The following RTEL1 variants were observed in gnomAD, a reference collection of about 807,000 sequenced individuals.
The protein encoded by RTEL1 is regulator of telomere elongation helicase 1.
Under a neutral mutation model 162.2 loss-of-function variants are expected in RTEL1, and 86 were observed. The ratio of observed to expected loss-of-function variants is 0.53; its 90% CI spans 0.45 to 0.63. The LOEUF is 0.63. Among genes scored for constraint, RTEL1 ranks in the 30% least tolerant of loss-of-function variants. RTEL1 has a pLI of 0.00. For missense variants in RTEL1, 1,941 were observed against 1,750.2 expected (o/e 1.11, Z -1.95); for synonymous variants, 958 against 717.9 (o/e 1.33, Z -5.35).
chr20:63,694,224 C>G, intron 30 of RTEL1, 148 bp from the exon 31 acceptor site: 1 of 695,870 alleles, frequency 1.4e-6, no homozygotes, highest in Non-Finnish European at 2.6e-6. Context: ...TCTGATGCCC[C>G]CAGCACCCAG....
Position 63,678,845 on chromosome 20 carries a change from A to ACTCCCACGGAACAGCAGACT in RTEL1, c.1037+516_1037+535dup, listed in dbSNP as rs1166377020. Among the ~76,000 whole-genome samples, 34 of 110,652 alleles carry ACTCCCACGGAACAGCAGACT rather than the reference A, an allele frequency of 3.1e-4. 1 individual carries two copies. The highest frequency in any genetic ancestry group is 1.6e-3 in the African/African-American group (34 of 20,796). The allele number at this position is 110,652 out of a possible 152,430, so 72.6% of individuals were successfully genotyped here. On this transcript the variant is annotated intron_variant, in intron 12 of 34. Transcript: ENST00000360203. ...CACACACACCCACGGAACGGCACACACTCCCACGGAACAGCAGACTCTCCC... is the reference window on the plus strand; with the variant it reads ...CACACACACCCACGGAACGGCACACACTCCCACGGAACAGCAGACTCTCCCACGGAACAGCAGACTCTCCC...
intron 32 of RTEL1, 27 bp from the exon 33 acceptor site, chr20:63,695,039 G>T: frequency 6.2e-7 from 1 of 1,610,478 alleles, no homozygotes; most frequent in Non-Finnish European, 8.5e-7. Flanking sequence ...TGGGGGCTGT[G>T]CCGGGTCTGA....
intron 8 of RTEL1, among the ~76,000 whole-genome samples, chr20:63,670,582 G>A (rs2090219505): frequency 6.6e-6 from 1 of 152,230 alleles, no homozygotes; most frequent in Non-Finnish European, 1.5e-5. Context: ...CCTGAGTGTG[G>A]CATGAGGATG....
chr20:63,662,698 G>C (rs1268727991), intron 5 of RTEL1, 71 bp downstream of exon 5: 2 of 1,605,934 alleles, frequency 1.2e-6, no homozygotes, highest in Non-Finnish European at 8.5e-7. Flanking sequence ...AGAGCCCCAG[G>C]CTGCGCTCCC....
Position 63,695,352 on chromosome 20 carries a change from G to A in RTEL1, c.3524G>A (p.Gly1175Glu). 2.6e-6 allele frequency: 4 copies of A among 1,550,782 alleles called. No homozygotes were observed. The highest frequency in any genetic ancestry group is 1.2e-5 in the South Asian group (1 of 81,564). ...GGCCCCTCACGGTCCGAGAAGACCG[G>A]GAAGACCCAGAGCAAGATCTCGTCC... ...QPGPSRSEKT[G>E]KTQSKISSFL... is the part of the protein sequence containing the mutation. Residue 1175 changes from glycine to glutamate, a missense_variant, in exon 34 of 35, where the codon GGG becomes GAG. Coordinates refer to ENST00000360203, the MANE Select transcript of RTEL1 (RefSeq NM_001283009.2).
chr20:63,672,477 C>A, intron 8 of RTEL1, 79 bp from the exon 9 acceptor site: 2 of 1,155,956 alleles, frequency 1.7e-6, no homozygotes, highest in Non-Finnish European at 2.5e-6. Flanking sequence ...ATGTTCGATG[C>A]CTGCTGCACA....
In RTEL1 at chr20:63,661,773, C is replaced by G. The variant is rs2090025095; in HGVS notation, c.302-77C>G. The stretch of plus-strand genomic sequence containing the variant: ...TTGGCTGTCTGCAGGGCCGAGTTAG[C>G]CGAATGCCACCTGCCTTTGATACGT... On this transcript the variant is annotated intron_variant, in intron 3 of 34. Coordinates refer to ENST00000360203, the MANE Select transcript of RTEL1 (RefSeq NM_001283009.2). The surrounding 1 kb of genome is among the most constrained non-coding windows in gnomAD (Gnocchi z 5.1). The G allele has an allele frequency of 3.0e-6, 4 of 1,323,510 alleles. No homozygotes were observed. Among genetic ancestry groups the G allele is most frequent in the Non-Finnish European group, 4.4e-6 (4 of 917,680 alleles). 82.0% of individuals were successfully genotyped at this position (1,323,510 alleles called of 1,614,324 possible). A position where few individuals can be genotyped will look rare whatever the true frequency, so the allele number is the denominator to read the frequency against.
At chr20:63,676,402 G>A (rs562209226) in intron 10 of RTEL1, among the ~76,000 whole-genome samples, 21 of 152,164 alleles carry the variant, frequency 1.4e-4, no homozygotes, top group Non-Finnish European at 2.2e-4. Flanking sequence ...TGCGGCCACC[G>A]TTTGCCGGGC....
chr20:63,688,977 G>A (rs1474130708), intron 21 of RTEL1, 78 bp from the exon 22 acceptor site: 10 of 1,270,618 alleles, frequency 7.9e-6, no homozygotes, highest in Admixed American at 5.2e-5. Context: ...CTTGGAGCAT[G>A]AGACCTGGGT....
chr20:63,693,937 C>T (rs956481378), intron 30 of RTEL1, among the ~76,000 whole-genome samples: 6 of 151,238 alleles, frequency 4.0e-5, no homozygotes, highest in Non-Finnish European at 5.9e-5. Context: ...GGGTCCTAGA[C>T]CCCTGTCCTC....
chr20:63,676,596 A>C (rs2090354292), intron 10 of RTEL1, among the ~76,000 whole-genome samples: 1 of 152,170 alleles, frequency 6.6e-6, no homozygotes, highest in South Asian at 2.1e-4. Context: ...GCCCTGCACC[A>C]TATCAGCTAT....
Position 63,695,399 on chromosome 20 carries a change from G to T in RTEL1, c.3571G>T (p.Gly1191Trp). The change falls in exon 34 of 35, where the codon GGG becomes TGG. Residue 1191 changes from glycine to tryptophan, a missense_variant. Gly to Trp is a radical substitution (Grantham distance 184). Transcript: ENST00000360203. ...GTCCTTCCTTAGACAGAGGCCAGCA[G>T]GGACTGTGGGGGCGGGCGGTGAGGA... ...ISSFLRQRPA[G>W]TVGAGGEDAG... 1 of 1,558,018 alleles carries T rather than the reference G, an allele frequency of 6.4e-7. No individual in the cohort carries two copies. Among genetic ancestry groups the T allele is most frequent in the Non-Finnish European group, 8.7e-7 (1 of 1,151,280 alleles).
Position 63,668,731 on chromosome 20 carries a change from GCTT to G in RTEL1, c.699+1181_699+1183del. On this transcript the variant is annotated intron_variant, in intron 8 of 34. Coordinates refer to ENST00000360203, the MANE Select transcript of RTEL1 (RefSeq NM_001283009.2). The surrounding 1 kb of genome is among the most constrained non-coding windows in gnomAD (Gnocchi z 4.3). The stretch of plus-strand genomic sequence containing the variant: ...GCTGCCCCTGGGAACCATCTGGAGA[GCTT>G]CTAACCCAACCAGGCCCCTCCCTGG... 6.6e-6 allele frequency among the ~76,000 whole-genome samples: 1 copy of G among 152,174 alleles called. No homozygotes were observed. Among genetic ancestry groups the G allele is most frequent in the African/African-American group, 2.4e-5 (1 of 41,410 alleles).
intron 7 of RTEL1, among the ~76,000 whole-genome samples, chr20:63,666,433 C>G (rs941733597): frequency 6.6e-6 from 1 of 152,216 alleles, no homozygotes; most frequent in African/African-American, 2.4e-5. Flanking sequence ...GCTGGCAGCT[C>G]GGCCTTGTTC....
At position 63,689,597 on chromosome 20, in the gene RTEL1, C is replaced by G; in HGVS notation, c.1974C>G (p.Leu658=). The change falls in exon 23 of 35, where the codon CTC becomes CTG. Residue 658 remains leucine, a synonymous_variant. Transcript: ENST00000360203. ...YPPRMDPRVV[L]KMQFLDEMKG... is the part of the protein sequence containing the mutation. ...CACGCATGGACCCCCGGGTTGTCCT[C>G]AAGATGCAGTTCCTGGATGAGATGA... 1 of 1,612,336 alleles carries G rather than the reference C, an allele frequency of 6.2e-7. No individual in the cohort carries two copies. Among genetic ancestry groups the G allele is most frequent in the Non-Finnish European group, 8.5e-7 (1 of 1,179,720 alleles).
At chr20:63,678,464 C>A in intron 12 of RTEL1, 118 bp downstream of exon 12, 1 of 948,076 alleles carries the variant, frequency 1.1e-6, no homozygotes, top group South Asian at 1.6e-5. Flanking sequence ...CCTGTTTTCC[C>A]TTTTTGAGAC....
chr20:63,673,138 A>G (rs1433499410), intron 9 of RTEL1, among the ~76,000 whole-genome samples: 2 of 152,092 alleles, frequency 1.3e-5, no homozygotes, highest in African/African-American at 4.8e-5. Context: ...TCATGCCTAT[A>G]ATCCCAGCAC....
intron 21 of RTEL1, 148 bp from the exon 22 acceptor site, chr20:63,688,907 C>G: frequency 1.3e-6 from 1 of 765,446 alleles, no homozygotes; most frequent in Non-Finnish European, 2.2e-6. Context: ...AGCCTGGGAT[C>G]CGTGCCAGGA....
Position 63,694,813 on chromosome 20 carries a change from G to A in RTEL1, c.3182G>A (p.Ser1061Asn), listed in dbSNP as rs1167219600. 6.2e-7 allele frequency: 1 copy of A among 1,612,500 alleles called. No individual in the cohort carries two copies. The highest frequency in any genetic ancestry group is 8.5e-7 in the Non-Finnish European group (1 of 1,179,792). The change falls in exon 32 of 35, where the codon AGC becomes AAC. Residue 1061 changes from serine to asparagine, a missense_variant. Ser to Asn is a conservative substitution (Grantham distance 46). Coordinates refer to ENST00000360203, the MANE Select transcript of RTEL1 (RefSeq NM_001283009.2). Reference protein sequence around the residue: ...RAGKQGQHAVSAYLADARRAL... With the variant: ...RAGKQGQHAVNAYLADARRAL... ...GGGAAGCAGGGCCAGCACGCCGTGA[G>A]CGCCTACCTGGCTGATGCCCGCAGG...
Sources: allele counts gnomAD v4.1 joint callset (sites outside exome capture counted in the v4.1 genomes callset), GRCh38; gene constraint gnomAD v4.1.1; non-coding constraint Gnocchi (gnomAD v3.1); transcripts MANE v1.5; gene names NCBI Gene and HGNC (gene_info 2026-07-23, HGNC 2026-07-21).